Variants in AKR1C1 observed in about 807,000 individuals in gnomAD.
The protein encoded by AKR1C1 is 20 alpha-hydroxysteroid dehydrogenase.
A neutral mutation model predicts 40.6 loss-of-function variants in AKR1C1; 32 were observed. That is an observed-to-expected ratio of 0.79 (90% CI 0.60 to 1.06). The LOEUF (loss-of-function observed/expected upper bound fraction) is 1.06. Among genes scored for constraint, AKR1C1 ranks in the 50% least tolerant of loss-of-function variants. The pLI, the probability that AKR1C1 is intolerant of heterozygous loss-of-function variation, is 0.00. For missense variants in AKR1C1, 320 were observed against 363.5 expected (o/e 0.88, Z 0.97); for synonymous variants, 105 against 134.2 (o/e 0.78, Z 1.50).
Position 4,982,687 on chromosome 10 carries a change from C to T in AKR1C1, c.*4945C>T. On this transcript the variant is annotated 3_prime_UTR_variant, in exon 9 of 9. Transcript: ENST00000380872. ...TCTTCCCCCATTGCCTGAGAAACCA[C>T]TTTCCCTGGGCAACTTAGGGCAAGC... is the stretch of plus-strand genomic sequence containing the variant. 3.4e-6 allele frequency: 1 copy of T among 292,098 alleles called. No homozygotes were observed. Among genetic ancestry groups the T allele is most frequent in the South Asian group, 3.1e-5 (1 of 32,498 alleles). The allele number at this position is 292,098 out of a possible 1,614,324, so 18.1% of individuals were successfully genotyped here.
rs1195184584 is a variant in AKR1C1, at chr10:4,981,729, C to G, written c.*3987C>G. ...ACTGGGGATCTGGAAATTCAGGCCACAAGAGAAGGCTTTGATCCTGTGCGG... is the reference window on the plus strand; with the variant it reads ...ACTGGGGATCTGGAAATTCAGGCCAGAAGAGAAGGCTTTGATCCTGTGCGG... On this transcript the variant is annotated 3_prime_UTR_variant, in exon 9 of 9. Transcript: ENST00000380872. The G allele has an allele frequency of 1.3e-5, 2 of 151,806 alleles. No individual in the cohort carries two copies. The highest frequency in any genetic ancestry group is 4.8e-5 in the African/African-American group (2 of 41,398). 9.4% of individuals were successfully genotyped at this position (151,806 alleles called of 1,614,324 possible).
At chr10:4,973,950 C>T (rs4242782) in intron 7 of AKR1C1, among the ~76,000 whole-genome samples, 102,491 of 150,496 alleles carry the variant, frequency 0.68, 35,085 homozygotes, top group East Asian at 0.8. Flanking sequence ...ACCTATGTCA[C>T]ATATATGACA....
chr10:4,974,483 G>A (rs1554770263), intron 7 of AKR1C1, among the ~76,000 whole-genome samples: 1 of 151,760 alleles, frequency 6.6e-6, no homozygotes. Context: ...GGTGAGTGTT[G>A]TGTCTTATCC....
intron 2 of AKR1C1, among the ~76,000 whole-genome samples, chr10:4,966,366 T>C (rs560101331): frequency 6.6e-6 from 1 of 152,316 alleles, no homozygotes; most frequent in South Asian, 2.1e-4. Context: ...ATCCTAATCA[T>C]ATTATATTAT....
intron 1 of AKR1C1, 135 bp from the exon 2 acceptor site, chr10:4,965,779 A>G: frequency 9.8e-7 from 1 of 1,023,442 alleles, no homozygotes. Flanking sequence ...GGAGACTGGG[A>G]TGGGCTCATG....
chr10:4,967,225 T>C lies in AKR1C1; in HGVS notation c.369+182T>C, dbSNP rs564319572. The C allele has an allele frequency of 7.1e-6, 7 of 992,414 alleles. No homozygotes were observed. In the East Asian group the frequency reaches 2.1e-4, roughly 30 times the overall value. 61.5% of individuals were successfully genotyped at this position (992,414 alleles called of 1,614,324 possible). ...ACATTTTGAATCCATACTTCCGTGA[T>C]TGCATGTCTATAAGAAAAGAAAGTG... On this transcript the variant is annotated intron_variant, in intron 3 of 8. Transcript: ENST00000380872.
rs1554770694 is a variant in AKR1C1, at chr10:4,978,058, G to C, written c.*316G>C. 8.7e-6 allele frequency: 3 copies of C among 344,690 alleles called. No individual in the cohort carries two copies. The highest frequency in any genetic ancestry group is 1.6e-5 in the Non-Finnish European group (3 of 189,768). The allele number at this position is 344,690 out of a possible 1,614,324, so 21.4% of individuals were successfully genotyped here. A position where few individuals can be genotyped will look rare whatever the true frequency, so the allele number is the denominator to read the frequency against. ...GCCTATACGTTTAGGGCCGGGGTTG[G>C]AAGATGTTAACAACCATTTAAGATT... is the stretch of plus-strand genomic sequence containing the variant. On this transcript the variant is annotated 3_prime_UTR_variant, in exon 9 of 9. Transcript: ENST00000380872.
In AKR1C1 at chr10:4,978,553, T is replaced by G. The variant is rs1836564564; in HGVS notation, c.*811T>G. ...TATTGGTTTGTGGTGGGGCAGGGCA[T>G]CAAAGACATCATTGACTAATCACAT... On this transcript the variant is annotated 3_prime_UTR_variant, in exon 9 of 9. Coordinates refer to ENST00000380872, the MANE Select transcript of AKR1C1 (RefSeq NM_001353.6). 1 of 152,222 alleles carries G rather than the reference T, an allele frequency of 6.6e-6. No homozygotes were observed. Among genetic ancestry groups the G allele is most frequent in the African/African-American group, 2.4e-5 (1 of 41,452 alleles). The allele number at this position is 152,222 out of a possible 1,614,324, so 9.4% of individuals were successfully genotyped here.
At chr10:4,969,713 G>A (rs1272520735) in intron 5 of AKR1C1, 1 of 1,612,156 alleles carries the variant, frequency 6.2e-7, no homozygotes, top group South Asian at 1.1e-5. Flanking sequence ...GTCCTGACTG[G>A]TGATTCCAGG....
chr10:4,970,867 G>A (rs1461216819), intron 5 of AKR1C1, among the ~76,000 whole-genome samples: 1 of 150,988 alleles, frequency 6.6e-6, no homozygotes, highest in Non-Finnish European at 1.5e-5. Flanking sequence ...GCTAGATGAC[G>A]AGTTAGTAGG....
intron 1 of AKR1C1, 158 bp from the exon 2 acceptor site, chr10:4,965,756 G>A: frequency 2.5e-6 from 2 of 815,046 alleles, no homozygotes; most frequent in East Asian, 5.8e-5. Flanking sequence ...ATTACTAACT[G>A]GGAAAGACCC....
Position 4,977,586 on chromosome 10 carries a change from G to A in AKR1C1, c.930-114G>A, listed in dbSNP as rs558739691. 91 of 1,183,042 alleles carry A rather than the reference G, an allele frequency of 7.7e-5. No individual in the cohort carries two copies. In the African/African-American group the frequency reaches 1.3e-3, roughly 17 times the overall value. The allele number at this position is 1,183,042 out of a possible 1,614,324, so 73.3% of individuals were successfully genotyped here. ...AGAAACACAGATTCTAGAGCAGTCAGAAAATGAACTTCTTAACATCTACAC... is the reference window on the plus strand; with the variant it reads ...AGAAACACAGATTCTAGAGCAGTCAAAAAATGAACTTCTTAACATCTACAC... On this transcript the variant is annotated intron_variant, in intron 8 of 8. Coordinates refer to ENST00000380872, the MANE Select transcript of AKR1C1 (RefSeq NM_001353.6).
At chr10:4,969,421 A>C (rs1051098111) in intron 5 of AKR1C1, among the ~76,000 whole-genome samples, 12 of 152,228 alleles carry the variant, frequency 7.9e-5, no homozygotes. Flanking sequence ...CTCTGCTTTC[A>C]CACTTCTTGA....
rs1458978843 is a variant in AKR1C1 at position 4,982,859 on chromosome 10, G to A, written c.*5117G>A. On this transcript the variant is annotated 3_prime_UTR_variant, in exon 9 of 9. Transcript: ENST00000380872. ...AGGAGAAAATGCCTGCATGAGCTCA[G>A]CTGTTACCACTGCGTACCACACCCT... The A allele has an allele frequency of 4.8e-6, 2 of 413,380 alleles. No individual in the cohort carries two copies. The highest frequency in any genetic ancestry group is 5.1e-5 in the Admixed American group (2 of 38,944). The allele number at this position is 413,380 out of a possible 1,614,324, so 25.6% of individuals were successfully genotyped here.
At chr10:4,976,954 G>T (rs77435525) in intron 8 of AKR1C1, among the ~76,000 whole-genome samples, 50,588 of 151,218 alleles carry the variant, frequency 0.33, 9,059 homozygotes, top group African/African-American at 0.5. Flanking sequence ...TAATGTTTTT[G>T]GGGATCATGA....
chr10:4,976,686 C>T (rs142403896), intron 8 of AKR1C1, among the ~76,000 whole-genome samples: 1 of 151,948 alleles, frequency 6.6e-6, no homozygotes, highest in Non-Finnish European at 1.5e-5. Flanking sequence ...TTCTAAGGTT[C>T]TAGGATTCAT....
Position 4,981,450 on chromosome 10 carries a change from G to A in AKR1C1, c.*3708G>A, listed in dbSNP as rs1194379075. 5 of 152,206 alleles carry A rather than the reference G, an allele frequency of 3.3e-5. No individual in the cohort carries two copies. The highest frequency in any genetic ancestry group is 1.2e-4 in the African/African-American group (5 of 41,432). The allele number at this position is 152,206 out of a possible 1,614,324, so 9.4% of individuals were successfully genotyped here. On this transcript the variant is annotated 3_prime_UTR_variant, in exon 9 of 9. Transcript: ENST00000380872. ...ACTATGAGATCTCATCAAGAACTAA[G>A]AAAATGGAGAAAAGTACCAGATGGC...
Position 4,968,861 on chromosome 10 carries a change from AT to A in AKR1C1, c.488del (p.Ile163ThrfsTer13). The A allele has an allele frequency of 6.2e-7, 1 of 1,614,186 alleles. No individual in the cohort carries two copies. Among genetic ancestry groups the A allele is most frequent in the Non-Finnish European group, 8.5e-7 (1 of 1,180,030 alleles). ...TAAAGATGCAGGATTGGCCAAGTCC[AT>A]CGGGGTGTCCAACTTCAACCGCAGG... ...KCKDAGLAKS[I>X]GVSNFNRRQL... On this transcript the variant is annotated frameshift_variant, in exon 5 of 9. Coordinates refer to ENST00000380872, the MANE Select transcript of AKR1C1 (RefSeq NM_001353.6). LOFTEE classifies it high-confidence loss of function.
At chr10:4,965,415 G>A (rs1476809802) in intron 1 of AKR1C1, 1 of 152,694 alleles carries the variant, frequency 6.5e-6, no homozygotes, top group African/African-American at 2.4e-5. Context: ...GGGACTACAG[G>A]CGCCTGCCAC....
Sources: allele counts gnomAD v4.1 joint callset (sites outside exome capture counted in the v4.1 genomes callset), GRCh38; gene constraint gnomAD v4.1.1; transcripts MANE v1.5; gene names NCBI Gene and HGNC (gene_info 2026-07-23, HGNC 2026-07-21).